The following SGCD variants were observed in gnomAD, a reference collection of about 807,000 sequenced individuals.
SGCD encodes sarcoglycan delta.
In SGCD, 18 loss-of-function variants were observed where a neutral mutation model predicts 36.6. The ratio of observed to expected loss-of-function variants is 0.49; its 90% CI spans 0.34 to 0.73. The LOEUF (loss-of-function observed/expected upper bound fraction) is 0.73, where lower values mean the gene tolerates loss of function less well. SGCD is among the 30% of genes least tolerant of loss of function. The probability of loss-of-function intolerance (pLI) is 0.01; values close to 1 mark genes in which losing one functional copy is unlikely to be tolerated. For missense variants in SGCD, 387 were observed against 346.7 expected (o/e 1.12, Z -0.92); for synonymous variants, 133 against 130.6 (o/e 1.02, Z -0.12).
intron 3 of SGCD, among the ~76,000 whole-genome samples, chr5:156,266,307 A>G (rs533717780): frequency 9.3e-4 from 142 of 152,364 alleles, no homozygotes; most frequent in African/African-American, 3.2e-3. Context: ...ACAGCCTAAC[A>G]TGGAGTCAGA....
chr5:156,278,542 A>G (rs1222603940), intron 3 of SGCD, among the ~76,000 whole-genome samples: 1 of 152,182 alleles, frequency 6.6e-6, no homozygotes, highest in Non-Finnish European at 1.5e-5. Flanking sequence ...GACTTGATGG[A>G]TTGAAAGACA....
intron 1 of SGCD, among the ~76,000 whole-genome samples, chr5:156,116,127 A>G (rs1761900316): frequency 6.6e-6 from 1 of 152,132 alleles, no homozygotes; most frequent in Non-Finnish European, 1.5e-5. Flanking sequence ...GTATTTGATT[A>G]TAGACCACAA....
At chr5:156,602,027 T>C (rs73299146) in intron 6 of SGCD, among the ~76,000 whole-genome samples, 8,684 of 152,128 alleles carry the variant, frequency 0.057, 832 homozygotes, top group African/African-American at 0.2. Context: ...CGGTAGAATG[T>C]TTTGGGTAGT....
intron 1 of SGCD, among the ~76,000 whole-genome samples, chr5:155,883,445 C>T (rs556426496): frequency 1.8e-4 from 28 of 152,202 alleles, no homozygotes; most frequent in African/African-American, 6.5e-4. Flanking sequence ...CAAACTTGAA[C>T]ACTTAAAGCC....
intron 6 of SGCD, among the ~76,000 whole-genome samples, chr5:156,644,411 G>A (rs1038917685): frequency 1.3e-5 from 2 of 151,876 alleles, no homozygotes; most frequent in East Asian, 1.9e-4. Flanking sequence ...AAAGAATTAC[G>A]CGTTTTTAGG....
the SGCD span, among the ~76,000 whole-genome samples, chr5:155,796,738 G>GGA: frequency 6.8e-6 from 1 of 147,776 alleles, no homozygotes; most frequent in Non-Finnish European, 1.5e-5. Context: ...CCCAGGAGGT[G>GGA]GAGGTTGTGG....
chr5:156,604,125 A>T lies in SGCD; in HGVS notation c.502+9074A>T. Among the ~76,000 whole-genome samples the T allele has an allele frequency of 1.3e-5, 2 of 151,898 alleles. 1 individual carries two copies. The highest frequency in any genetic ancestry group is 4.8e-5 in the African/African-American group (2 of 41,396). On this transcript the variant is annotated intron_variant, in intron 6 of 8. Transcript: ENST00000337851. ...ATTGTTATATCTTCTTGTTGAATTG[A>T]TTCTTTTATCACTATACAATGACCT... is the stretch of plus-strand genomic sequence containing the variant.
chr5:156,374,373 C>T (rs556012265), intron 3 of SGCD, among the ~76,000 whole-genome samples: 48 of 152,210 alleles, frequency 3.2e-4, no homozygotes, highest in South Asian at 2.3e-3. Flanking sequence ...TATAGCATAA[C>T]GCAAAAGTAA....
At chr5:156,397,019 T>G (rs918730757) in intron 3 of SGCD, among the ~76,000 whole-genome samples, 1 of 152,128 alleles carries the variant, frequency 6.6e-6, no homozygotes, top group African/African-American at 2.4e-5. Context: ...GGTCTGAGAC[T>G]TTTAAGGTCT....
At chr5:155,783,620 T>C in the SGCD span, among the ~76,000 whole-genome samples, 6,754 of 152,182 alleles carry the variant, frequency 0.044, 322 homozygotes, top group African/African-American at 0.12. Context: ...TGGAACATGA[T>C]GAAATTAAAC....
intron 1 of SGCD, among the ~76,000 whole-genome samples, chr5:156,041,839 T>C (rs1044986794): frequency 6.6e-6 from 1 of 152,194 alleles, no homozygotes; most frequent in Admixed American, 6.5e-5. Flanking sequence ...TAACTTCTGA[T>C]TGTGGATTAC....
At chr5:156,146,768 A>G (rs1427639107) in intron 3 of SGCD, among the ~76,000 whole-genome samples, 3 of 152,362 alleles carry the variant, frequency 2.0e-5, no homozygotes, top group Non-Finnish European at 2.9e-5. Context: ...GAGTTAAAGT[A>G]CAGAGCCAGC....
intron 1 of SGCD, among the ~76,000 whole-genome samples, chr5:156,076,612 T>A (rs1036109229): frequency 6.6e-6 from 1 of 152,220 alleles, no homozygotes; most frequent in African/African-American, 2.4e-5. Context: ...TATCTGATAT[T>A]TCTTAATAAT....
At chr5:156,668,544 C>T (rs533766760) in intron 7 of SGCD, among the ~76,000 whole-genome samples, 3 of 152,248 alleles carry the variant, frequency 2.0e-5, no homozygotes, top group African/African-American at 7.2e-5. Flanking sequence ...ATCTAAAACT[C>T]TTTTACAAAT....
intron 4 of SGCD, among the ~76,000 whole-genome samples, chr5:156,585,033 A>C (rs141860072): frequency 6.6e-6 from 1 of 152,332 alleles, no homozygotes; most frequent in Non-Finnish European, 1.5e-5. Flanking sequence ...CTCTCAAAGA[A>C]ATCATTGAGA....
chr5:156,243,024 C>A (rs959720767), intron 3 of SGCD, among the ~76,000 whole-genome samples: 1 of 152,102 alleles, frequency 6.6e-6, no homozygotes, highest in Non-Finnish European at 1.5e-5. Context: ...TGACTGGCCA[C>A]GTCTGAGGGT....
chr5:156,733,727 A>ACCATTATGTAATGC (rs1756201271), intron 7 of SGCD, among the ~76,000 whole-genome samples: 1 of 152,136 alleles, frequency 6.6e-6, no homozygotes. Flanking sequence ...TGAACCTTTT[A>ACCATTATGTAATGC]CCATTATGTA....
At chr5:156,256,446 TCTC>T (rs1765719766) in intron 3 of SGCD, among the ~76,000 whole-genome samples, 1 of 152,210 alleles carries the variant, frequency 6.6e-6, no homozygotes, top group Non-Finnish European at 1.5e-5. Flanking sequence ...TTTACGTAGT[TCTC>T]CTCTCACTTA....
At chr5:155,740,572 T>C in the SGCD span, among the ~76,000 whole-genome samples, 1 of 152,342 alleles carries the variant, frequency 6.6e-6, no homozygotes, top group East Asian at 1.9e-4. Context: ...CGCTCAATCT[T>C]AGCTCATCAA....
Sources: allele counts gnomAD v4.1 joint callset (sites outside exome capture counted in the v4.1 genomes callset), GRCh38; gene constraint gnomAD v4.1.1; transcripts MANE v1.5; gene names NCBI Gene and HGNC (gene_info 2026-07-23, HGNC 2026-07-21).